The following PLCXD2 variants were observed in gnomAD, a reference collection of about 807,000 sequenced individuals.
PLCXD2 encodes PI-PLC X domain-containing protein 2.
PLCXD2 carries 21 observed loss-of-function variants against 28.6 expected under a neutral mutation model. The observed-to-expected ratio is 0.73, with a 90% CI of 0.52 to 1.06. PLCXD2 has a LOEUF of 1.06. PLCXD2 is among the 50% of genes least tolerant of loss of function. PLCXD2 has a pLI of 0.00. For synonymous variants in PLCXD2, 140 were observed against 150.1 expected (o/e 0.93, Z 0.49); for missense variants, 369 against 376.7 (o/e 0.98, Z 0.17).
chr3:111,726,346 C>T (rs1291614079), intron 3 of PLCXD2: 1 of 152,678 alleles, frequency 6.5e-6, no homozygotes, highest in Non-Finnish European at 1.5e-5. Context: ...GTATTAAATA[C>T]AGATTGTGTA....
In PLCXD2 at chr3:111,708,038, G is replaced by A. The variant is rs1559796441; in HGVS notation, c.276G>A (p.Lys92=). The A allele has an allele frequency of 1.9e-6, 3 of 1,614,214 alleles. No homozygotes were observed. Among genetic ancestry groups the A allele is most frequent in the Non-Finnish European group, 2.5e-6 (3 of 1,180,034 alleles). Residue 92 remains lysine, a synonymous_variant, in exon 2 of 5, where the codon AAG becomes AAA. Coordinates refer to ENST00000477665, the MANE Select transcript of PLCXD2 (RefSeq NM_001185106.1). ...TCTCCTTGGTGAAGAAGCTAATGAA[G>A]AAGTGGTCTGTGACTCAGAACCTGA...
intron 1 of PLCXD2, among the ~76,000 whole-genome samples, chr3:111,701,015 G>A (rs1941033791): frequency 6.6e-6 from 1 of 152,200 alleles, no homozygotes; most frequent in Non-Finnish European, 1.5e-5. Flanking sequence ...TGGAGGCTAA[G>A]TTTTCATCTC....
chr3:111,709,107 A>T (rs1941163880), intron 2 of PLCXD2, among the ~76,000 whole-genome samples: 1 of 152,126 alleles, frequency 6.6e-6, no homozygotes, highest in Admixed American at 6.5e-5. Context: ...AAAAAAAAAA[A>T]AGACATACCT....
intron 1 of PLCXD2, among the ~76,000 whole-genome samples, chr3:111,700,995 G>A (rs1337723280): frequency 6.6e-6 from 1 of 152,218 alleles, no homozygotes; most frequent in Non-Finnish European, 1.5e-5. Context: ...GGTGGCTATA[G>A]TCAACAGAGT....
chr3:111,709,773 G>A (rs1941174585), intron 2 of PLCXD2, among the ~76,000 whole-genome samples: 1 of 152,196 alleles, frequency 6.6e-6, no homozygotes, highest in Non-Finnish European at 1.5e-5. Context: ...ACAGAGTAGT[G>A]AGAGGAGGTC....
At chr3:111,688,689 C>T (rs1376681165) in intron 1 of PLCXD2, among the ~76,000 whole-genome samples, 1 of 152,176 alleles carries the variant, frequency 6.6e-6, no homozygotes, top group Non-Finnish European at 1.5e-5. Context: ...ATTCCAAGGG[C>T]TTAAGCAATT....
chr3:111,674,891 T>TGG lies in PLCXD2; in HGVS notation c.-353_-352dup, dbSNP rs1940595427. 4.8e-6 allele frequency: 1 copy of TGG among 207,936 alleles called. No homozygotes were observed. Among genetic ancestry groups the TGG allele is most frequent in the Admixed American group, 5.8e-5 (1 of 17,220 alleles). The allele number at this position is 207,936 out of a possible 1,614,324, so 12.9% of individuals were successfully genotyped here. A position where few individuals can be genotyped will look rare whatever the true frequency, so the allele number is the denominator to read the frequency against. The stretch of plus-strand genomic sequence containing the variant: ...CCCGCAGGCATGTCTGTACACTGGG[T>TGG]GGGCACCTGTCTTGTGAGTGGCTCC... On this transcript the variant is annotated 5_prime_UTR_variant, in exon 1 of 5. It removes the in-frame stop codon of an upstream open reading frame in the 5' UTR. Coordinates refer to ENST00000477665, the MANE Select transcript of PLCXD2 (RefSeq NM_001185106.1).
At chr3:111,703,624 G>A (rs1342257393) in intron 1 of PLCXD2, among the ~76,000 whole-genome samples, 3 of 152,090 alleles carry the variant, frequency 2.0e-5, no homozygotes, top group African/African-American at 4.8e-5. Context: ...TGAACAGCTG[G>A]GCTGTTAATG....
At chr3:111,689,606 G>A (rs1940845586) in intron 1 of PLCXD2, among the ~76,000 whole-genome samples, 1 of 152,134 alleles carries the variant, frequency 6.6e-6, no homozygotes, top group Admixed American at 6.5e-5. Flanking sequence ...ACCCCATTGG[G>A]ACTGTTTCTC....
chr3:111,689,160 C>T (rs1363560278), intron 1 of PLCXD2, among the ~76,000 whole-genome samples: 1 of 152,170 alleles, frequency 6.6e-6, no homozygotes, highest in Non-Finnish European at 1.5e-5. Flanking sequence ...AGGAGAAGAG[C>T]ACCTGTGAGC....
chr3:111,708,778 T>C (rs1025276485), intron 2 of PLCXD2, among the ~76,000 whole-genome samples: 1 of 152,210 alleles, frequency 6.6e-6, no homozygotes, highest in Non-Finnish European at 1.5e-5. Flanking sequence ...CAGATAATCC[T>C]GGCCAAGGTA....
chr3:111,687,465 A>C (rs1940811272), intron 1 of PLCXD2, among the ~76,000 whole-genome samples: 1 of 152,208 alleles, frequency 6.6e-6, no homozygotes, highest in African/African-American at 2.4e-5. Flanking sequence ...ATATGTATTA[A>C]TAACTTTGTA....
chr3:111,676,107 T>G (rs1278648850), intron 1 of PLCXD2, among the ~76,000 whole-genome samples: 2 of 152,244 alleles, frequency 1.3e-5, no homozygotes, highest in Non-Finnish European at 2.9e-5. Context: ...GGAGGTTTTA[T>G]GCCTTGACAT....
At chr3:111,676,420 A>G (rs1248937834) in intron 1 of PLCXD2, among the ~76,000 whole-genome samples, 3 of 152,054 alleles carry the variant, frequency 2.0e-5, no homozygotes, top group African/African-American at 7.2e-5. Context: ...GTGGCTGAAA[A>G]TCTGACCTCA....
At chr3:111,709,085 C>G (rs1479236989) in intron 2 of PLCXD2, among the ~76,000 whole-genome samples, 1 of 112,792 alleles carries the variant, frequency 8.9e-6, no homozygotes, top group Non-Finnish European at 2.0e-5. Flanking sequence ...TTAATTTACA[C>G]TCTCTGGAAA....
At chr3:111,696,184 A>G (rs577823119) in intron 1 of PLCXD2, among the ~76,000 whole-genome samples, 2 of 152,290 alleles carry the variant, frequency 1.3e-5, no homozygotes, top group South Asian at 4.1e-4. Flanking sequence ...TATATCTTCT[A>G]TCTTTTTATA....
chr3:111,726,039 C>T (rs1398754), intron 3 of PLCXD2: 114,624 of 352,954 alleles, frequency 0.32, 17,086 homozygotes, highest in Admixed American at 0.41. Flanking sequence ...CCTCAACCTA[C>T]ATCCAATCAT....
intron 1 of PLCXD2, among the ~76,000 whole-genome samples, chr3:111,698,868 C>CT (rs1940999938): frequency 6.6e-6 from 1 of 152,220 alleles, no homozygotes; most frequent in Admixed American, 6.5e-5. Flanking sequence ...ATTTCCCCCC[C>CT]TCCTCCCCTG....
chr3:111,703,584 G>A (rs1311005548), intron 1 of PLCXD2, among the ~76,000 whole-genome samples: 1 of 152,206 alleles, frequency 6.6e-6, no homozygotes, highest in Non-Finnish European at 1.5e-5. Context: ...AGTTCAGTAT[G>A]TGCCTTGCAC....
Sources: allele counts gnomAD v4.1 joint callset (sites outside exome capture counted in the v4.1 genomes callset), GRCh38; gene constraint gnomAD v4.1.1; transcripts MANE v1.5; gene names NCBI Gene and HGNC (gene_info 2026-07-23, HGNC 2026-07-21).